The following GSE1 variants were observed in gnomAD, a reference collection of about 807,000 sequenced individuals.
GSE1 encodes the protein genetic suppressor element 1.
Under a neutral mutation model 112.6 loss-of-function variants are expected in GSE1, and 32 were observed. The observed-to-expected ratio is 0.28, with a 90% CI of 0.21 to 0.38. The LOEUF (loss-of-function observed/expected upper bound fraction) is 0.38, where lower values mean the gene tolerates loss of function less well. Ranked by LOEUF, GSE1 falls within the 10% of genes least tolerant of loss-of-function variation. GSE1 has a pLI of 1.00. For missense variants in GSE1, 2,348 were observed against 1,699.2 expected (o/e 1.38, Z -6.71); for synonymous variants, 1,115 against 735.6 (o/e 1.52, Z -8.35).
intron 2 of GSE1, among the ~76,000 whole-genome samples, chr16:85,421,442 A>T (rs953785981): frequency 2.0e-5 from 3 of 152,122 alleles, no homozygotes; most frequent in Admixed American, 6.5e-5. Flanking sequence ...TTCAACCAGG[A>T]GAAAGCTGGG....
At chr16:85,171,557 A>G (rs1216712388) in exon 1 of GSE1, 2 of 985,550 alleles carry the variant, frequency 2.0e-6, no homozygotes, top group Non-Finnish European at 2.4e-6. Context: ...CGGCAGTACC[A>G]GGTGGAGACG....
chr16:85,258,595 C>T (rs930417761), intron 1 of GSE1, among the ~76,000 whole-genome samples: 1 of 152,112 alleles, frequency 6.6e-6, no homozygotes, highest in African/African-American at 2.4e-5. Flanking sequence ...CCTCTGCCCC[C>T]CAAGGCATCA....
Position 85,648,766 on chromosome 16 carries a change from G to T in GSE1, c.426+15G>T, listed in dbSNP as rs1052711033. On this transcript the variant is annotated intron_variant, in intron 3 of 15. Coordinates refer to ENST00000253458, the MANE Select transcript of GSE1 (RefSeq NM_014615.5). ...AGAGCCGGCAGGTGAGTGGGGCGGGGCAGGGAGCCTAGCGTCCTCTAAGTG... is the reference window on the plus strand; with the variant it reads ...AGAGCCGGCAGGTGAGTGGGGCGGGTCAGGGAGCCTAGCGTCCTCTAAGTG... 6 of 1,525,422 alleles carry T rather than the reference G, an allele frequency of 3.9e-6. No homozygotes were observed. In the African/African-American group the frequency reaches 5.6e-5, roughly 14 times the overall value. 94.5% of individuals were successfully genotyped at this position (1,525,422 alleles called of 1,614,324 possible).
intron 2 of GSE1, among the ~76,000 whole-genome samples, chr16:85,452,469 T>C (rs2049713818): frequency 6.6e-6 from 1 of 152,236 alleles, no homozygotes; most frequent in Non-Finnish European, 1.5e-5. Flanking sequence ...ACTTTTAAGT[T>C]GGTTGATCTG....
At chr16:85,192,982 G>T (rs1279691909) in intron 1 of GSE1, among the ~76,000 whole-genome samples, 2 of 152,210 alleles carry the variant, frequency 1.3e-5, no homozygotes, top group African/African-American at 4.8e-5. Context: ...AGGGCAGGAG[G>T]GCTGTTGGAG....
intron 2 of GSE1, among the ~76,000 whole-genome samples, chr16:85,485,297 G>C (rs948561390): frequency 2.6e-5 from 4 of 152,252 alleles, no homozygotes; most frequent in African/African-American, 7.2e-5. Flanking sequence ...CGTTGGTCCG[G>C]AGAGGGAGAG....
intron 2 of GSE1, among the ~76,000 whole-genome samples, chr16:85,452,634 C>G (rs1021583447): frequency 6.6e-6 from 1 of 152,264 alleles, no homozygotes; most frequent in East Asian, 1.9e-4. Context: ...TGGGCCCAGG[C>G]TGTTCCCACC....
chr16:85,217,060 C>T (rs560274622), intron 1 of GSE1, among the ~76,000 whole-genome samples: 11 of 152,322 alleles, frequency 7.2e-5, no homozygotes, highest in South Asian at 6.2e-4. Context: ...GCCTTGGCTG[C>T]GCCAGGTAAT....
intron 2 of GSE1, among the ~76,000 whole-genome samples, chr16:85,499,379 C>T (rs147182687): frequency 0.035 from 4,818 of 139,214 alleles, 218 homozygotes; most frequent in African/African-American, 0.11. Context: ...GGCGTGATCT[C>T]GGCTCACTGC....
At chr16:85,573,638 T>C (rs555201979) in intron 1 of GSE1, among the ~76,000 whole-genome samples, 15 of 152,276 alleles carry the variant, frequency 9.9e-5, no homozygotes, top group Middle Eastern at 3.4e-3. Context: ...ATTTGGAAAC[T>C]TGAAGGAGCT....
chr16:85,411,560 T>C (rs867297306), intron 2 of GSE1, among the ~76,000 whole-genome samples: 63 of 16,640 alleles, frequency 3.8e-3, no homozygotes, highest in East Asian at 0.013. Flanking sequence ...TAATCCTCAC[T>C]GTTACACTCA....
At chr16:85,356,424 T>G (rs2046952825) in intron 1 of GSE1, among the ~76,000 whole-genome samples, 1 of 152,212 alleles carries the variant, frequency 6.6e-6, no homozygotes, top group Non-Finnish European at 1.5e-5. Context: ...CAGTGGCCAG[T>G]GTTGCCAGGT....
chr16:85,420,522 G>T (rs974717331), intron 2 of GSE1, among the ~76,000 whole-genome samples: 1 of 152,008 alleles, frequency 6.6e-6, no homozygotes, highest in Non-Finnish European at 1.5e-5. Flanking sequence ...GGCCAAGGGG[G>T]GTGGCACCAT....
chr16:85,417,029 G>GT (rs1460684366), intron 2 of GSE1, among the ~76,000 whole-genome samples: 2 of 152,066 alleles, frequency 1.3e-5, no homozygotes, highest in East Asian at 3.9e-4. Context: ...TAATTTTTTT[G>GT]TATTTTTTTG....
intron 2 of GSE1, among the ~76,000 whole-genome samples, chr16:85,368,127 T>G (rs4073909): frequency 0.64 from 97,705 of 151,992 alleles, 32,105 homozygotes; most frequent in East Asian, 0.84. Flanking sequence ...GTGCTGGGAT[T>G]ACAGGCGTGA....
At chr16:85,390,447 C>T (rs1194976595) in intron 2 of GSE1, among the ~76,000 whole-genome samples, 1 of 152,136 alleles carries the variant, frequency 6.6e-6, no homozygotes, top group African/African-American at 2.4e-5. Flanking sequence ...CCTTTGAGCC[C>T]TAATTCTAAG....
Position 85,657,500 on chromosome 16 carries a change from G to C in GSE1, c.1536G>C (p.Gln512His). The part of the protein sequence containing the change: ...RRLRQEKEDR[Q>H]SQVSEFRQQV... ...TGCGGCAGGAGAAGGAGGACCGGCA[G>C]TCTCAGGTGTCCGAGTTCCGGCAGC... is the stretch of plus-strand genomic sequence containing the variant. The change falls in exon 8 of 16, where the codon CAG (glutamine) becomes CAC (histidine). Residue 512 changes from glutamine to histidine, a missense_variant. Coordinates refer to ENST00000253458, the MANE Select transcript of GSE1 (RefSeq NM_014615.5). The C allele has an allele frequency of 1.2e-6, 2 of 1,606,514 alleles. No homozygotes were observed. The highest frequency in any genetic ancestry group is 1.7e-6 in the Non-Finnish European group (2 of 1,177,124).
At chr16:85,283,996 T>C (rs1480652893) in intron 1 of GSE1, among the ~76,000 whole-genome samples, 1 of 152,082 alleles carries the variant, frequency 6.6e-6, no homozygotes, top group Non-Finnish European at 1.5e-5. Flanking sequence ...TTTCCTCTTG[T>C]GAGTAAGATG....
At position 85,343,529 on chromosome 16, in the gene GSE1, G is replaced by A. The variant is rs372149209; in HGVS notation, c.2284-13934G>A. 3.5e-4 allele frequency among the ~76,000 whole-genome samples: 53 copies of A among 152,226 alleles called. 1 individual carries two copies. The South Asian group carries it at 0.01, about 30-fold the overall frequency. ...TTTGGGAGGTTGAAGCAGGAAGGTC[G>A]CTTTAAGCCAACAGTTCGAGATGAG... On this transcript the variant is annotated intron_variant, in intron 1 of 2. Transcript: ENST00000637419.
Sources: allele counts gnomAD v4.1 joint callset (sites outside exome capture counted in the v4.1 genomes callset), GRCh38; gene constraint gnomAD v4.1.1; transcripts MANE v1.5; gene names NCBI Gene and HGNC (gene_info 2026-07-23, HGNC 2026-07-21).